Variants in AGBL4 observed in about 807,000 individuals in gnomAD.
AGBL4 encodes cytosolic carboxypeptidase 6.
A neutral mutation model predicts 66.4 loss-of-function variants in AGBL4; 58 were observed. That is an observed-to-expected ratio of 0.87 (90% CI 0.71 to 1.09). The LOEUF (loss-of-function observed/expected upper bound fraction) is 1.09, where lower values mean the gene tolerates loss of function less well. Ranked by LOEUF, AGBL4 falls within the 50% of genes least tolerant of loss-of-function variation. The pLI is 0.00. For synonymous variants in AGBL4, 234 were observed against 222.9 expected (o/e 1.05, Z -0.44); for missense variants, 579 against 631.0 (o/e 0.92, Z 0.88).
At position 48,534,195 on chromosome 1, in the gene AGBL4, T is replaced by C; in HGVS notation, c.1490A>G (p.Lys497Arg). 7 of 1,551,574 alleles carry C rather than the reference T, an allele frequency of 4.5e-6. No individual in the cohort carries two copies. The highest frequency in any genetic ancestry group is 6.1e-6 in the Non-Finnish European group (7 of 1,146,912). Reference protein sequence around the residue: ...KGDKKSSVNHKDPSTPF With the variant: ...KGDKKSSVNHRDPSTPF ...TCTTTAAAAAGGGGTTGAAGGGTCT[T>C]TGTGGTTCACTGAGCTCTTCTTGTC... Residue 497 changes from lysine (K) to arginine (R), a missense_variant, in exon 14 of 14, where the codon AAA (lysine) becomes AGA (arginine). Coordinates refer to ENST00000371839, the MANE Select transcript of AGBL4 (RefSeq NM_032785.4).
At chr1:48,548,659 C>T (rs1014326479) in intron 11 of AGBL4, among the ~76,000 whole-genome samples, 1 of 152,168 alleles carries the variant, frequency 6.6e-6, no homozygotes. Flanking sequence ...CTTCTCACTC[C>T]CTGCAGCTCT....
intron 1 of AGBL4, among the ~76,000 whole-genome samples, chr1:49,878,602 G>C (rs1277048279): frequency 1.3e-5 from 2 of 152,056 alleles, no homozygotes; most frequent in African/African-American, 4.8e-5. Flanking sequence ...TTTTGGAATA[G>C]GTGTGGTGTG....
At chr1:48,934,837 C>T (rs1050499321) in intron 5 of AGBL4, among the ~76,000 whole-genome samples, 3 of 152,194 alleles carry the variant, frequency 2.0e-5, no homozygotes, top group Non-Finnish European at 2.9e-5. Flanking sequence ...TATTCAGTCC[C>T]TGGCTCCAAG....
At chr1:48,635,685 G>C (rs1570085606) in intron 8 of AGBL4, among the ~76,000 whole-genome samples, 1 of 152,200 alleles carries the variant, frequency 6.6e-6, no homozygotes, top group African/African-American at 2.4e-5. Context: ...CTTTTCAAGA[G>C]CCTCTTTCAT....
intron 4 of AGBL4, among the ~76,000 whole-genome samples, chr1:49,182,064 G>T (rs1399803664): frequency 6.6e-6 from 1 of 152,294 alleles, no homozygotes; most frequent in South Asian, 2.1e-4. Context: ...GTAAGCAGGG[G>T]TGAGAATAGA....
At chr1:48,765,845 A>T (rs1244723121) in intron 6 of AGBL4, among the ~76,000 whole-genome samples, 2 of 152,234 alleles carry the variant, frequency 1.3e-5, no homozygotes, top group African/African-American at 4.8e-5. Flanking sequence ...CATTTATATG[A>T]AATGTTCAGA....
chr1:49,290,940 T>C (rs543893460), intron 3 of AGBL4, among the ~76,000 whole-genome samples: 1 of 152,234 alleles, frequency 6.6e-6, no homozygotes, highest in East Asian at 1.9e-4. Flanking sequence ...AGCCCAGGAG[T>C]TTGAGGCTGC....
intron 3 of AGBL4, among the ~76,000 whole-genome samples, chr1:49,525,975 C>G (rs1650628028): frequency 6.6e-6 from 1 of 151,784 alleles, no homozygotes; most frequent in Non-Finnish European, 1.5e-5. Context: ...GCCTGTAGTC[C>G]CAGCTACTCG....
chr1:48,745,446 A>G (rs193219286), intron 6 of AGBL4, among the ~76,000 whole-genome samples: 1 of 152,318 alleles, frequency 6.6e-6, no homozygotes, highest in East Asian at 1.9e-4. Flanking sequence ...AACGGACATC[A>G]GAGGGAGCAG....
intron 3 of AGBL4, among the ~76,000 whole-genome samples, chr1:49,378,518 A>T (rs1644520130): frequency 6.6e-6 from 1 of 152,026 alleles, no homozygotes; most frequent in African/African-American, 2.4e-5. Context: ...CCCTGGTGAG[A>T]GGGAGCAGTG....
intron 6 of AGBL4, among the ~76,000 whole-genome samples, chr1:48,793,656 C>A (rs1203198698): frequency 6.6e-6 from 1 of 152,092 alleles, no homozygotes; most frequent in Non-Finnish European, 1.5e-5. Context: ...CTGTTGCCAC[C>A]CATTGATAAA....
chr1:48,916,791 T>C (rs570280905), intron 5 of AGBL4, among the ~76,000 whole-genome samples: 5 of 152,184 alleles, frequency 3.3e-5, no homozygotes, highest in African/African-American at 9.6e-5. Flanking sequence ...GGGTCGTTTT[T>C]CTTTAAGGGT....
chr1:48,796,952 A>G (rs1440819071), intron 6 of AGBL4, among the ~76,000 whole-genome samples: 1 of 152,236 alleles, frequency 6.6e-6, no homozygotes, highest in Non-Finnish European at 1.5e-5. Context: ...CTGACACAGG[A>G]AAGCAGAACT....
chr1:48,905,889 C>G (rs1158543320), intron 5 of AGBL4, among the ~76,000 whole-genome samples: 1 of 152,176 alleles, frequency 6.6e-6, no homozygotes, highest in East Asian at 1.9e-4. Context: ...TTGAAAAATA[C>G]TGATTGACCA....
intron 1 of AGBL4, among the ~76,000 whole-genome samples, chr1:50,023,050 T>A (rs1268504849): frequency 6.6e-6 from 1 of 151,996 alleles, no homozygotes; most frequent in Non-Finnish European, 1.5e-5. Flanking sequence ...GGACATGCAC[T>A]CCTTTGATTC....
At chr1:48,950,687 G>A (rs1055763167) in intron 5 of AGBL4, among the ~76,000 whole-genome samples, 1 of 152,118 alleles carries the variant, frequency 6.6e-6, no homozygotes, top group African/African-American at 2.4e-5. Context: ...AGACGAATGA[G>A]GATTCATCAG....
At chr1:48,745,990 A>G (rs1242027597) in intron 6 of AGBL4, among the ~76,000 whole-genome samples, 1 of 152,156 alleles carries the variant, frequency 6.6e-6, no homozygotes, top group Non-Finnish European at 1.5e-5. Context: ...AGGACAGCCA[A>G]GGACCGTGTC....
chr1:49,250,561 A>G (rs1195880657), intron 3 of AGBL4, among the ~76,000 whole-genome samples: 2 of 149,740 alleles, frequency 1.3e-5, no homozygotes, highest in East Asian at 4.0e-4. Flanking sequence ...CTCCTGCCTC[A>G]GCCTCCTGAG....
At chr1:49,542,990 G>A (rs1431299242) in intron 3 of AGBL4, among the ~76,000 whole-genome samples, 2 of 145,986 alleles carry the variant, frequency 1.4e-5, no homozygotes, top group African/African-American at 5.1e-5. Context: ...TAGATGCTAA[G>A]CAACGAGATG....
Sources: allele counts gnomAD v4.1 joint callset (sites outside exome capture counted in the v4.1 genomes callset), GRCh38; gene constraint gnomAD v4.1.1; transcripts MANE v1.5; gene names NCBI Gene and HGNC (gene_info 2026-07-23, HGNC 2026-07-21).